Variants in CNTNAP2 observed in about 807,000 individuals in gnomAD.
CNTNAP2 encodes contactin associated protein 2, also known as contactin-associated protein-like 2.
CNTNAP2 carries 98 observed loss-of-function variants against 155.2 expected under a neutral mutation model. That is an observed-to-expected ratio of 0.63 (90% CI 0.54 to 0.75). CNTNAP2 has a LOEUF of 0.75. Ranked by LOEUF, CNTNAP2 falls within the 30% of genes least tolerant of loss-of-function variation. The pLI, the probability that CNTNAP2 is intolerant of heterozygous loss-of-function variation, is 0.00. For synonymous variants in CNTNAP2, 651 were observed against 631.2 expected, an observed-to-expected ratio of 1.03 and a Z score of -0.47; for missense variants, 1,727 against 1,688.1, an observed-to-expected ratio of 1.02 and a Z score of -0.40.
chr7:147,287,488 C>T (rs946939624), intron 8 of CNTNAP2, among the ~76,000 whole-genome samples: 15 of 152,068 alleles, frequency 9.9e-5, no homozygotes, highest in Admixed American at 9.8e-4. Flanking sequence ...AGCAAAGAAT[C>T]TCTGCTACCT....
chr7:146,750,854 A>G (rs999963811), intron 1 of CNTNAP2, among the ~76,000 whole-genome samples: 2 of 152,148 alleles, frequency 1.3e-5, no homozygotes, highest in African/African-American at 4.8e-5. Flanking sequence ...TTTTTCCATG[A>G]AAAGTTAAGT....
intron 3 of CNTNAP2, among the ~76,000 whole-genome samples, chr7:146,859,669 A>AT (rs1562976397): frequency 4.1e-4 from 61 of 150,236 alleles, no homozygotes; most frequent in Admixed American, 6.7e-4. Context: ...CAAAAAAAAA[A>AT]AATATATATA....
intron 1 of CNTNAP2, among the ~76,000 whole-genome samples, chr7:146,633,673 C>CA (rs1229885875): frequency 3.3e-5 from 5 of 151,182 alleles, no homozygotes; most frequent in Admixed American, 3.3e-4. Context: ...ACTAAAAATA[C>CA]AAAAAACTAG....
intron 13 of CNTNAP2, among the ~76,000 whole-genome samples, chr7:147,902,743 C>A (rs1405339845): frequency 6.9e-6 from 1 of 145,922 alleles, no homozygotes. Context: ...TAATTCATTT[C>A]TTTTTATGGC....
intron 1 of CNTNAP2, among the ~76,000 whole-genome samples, chr7:146,664,785 C>A (rs2642511): frequency 0.81 from 122,488 of 151,558 alleles, 50,090 homozygotes; most frequent in South Asian, 0.91. Context: ...TACTTTTTTG[C>A]AAGAAGTTAA....
chr7:147,865,873 C>T (rs1233923279), intron 13 of CNTNAP2, among the ~76,000 whole-genome samples: 14 of 152,242 alleles, frequency 9.2e-5, no homozygotes, highest in African/African-American at 3.4e-4. Flanking sequence ...AAAAAACCAG[C>T]TCCTGGTTTC....
At chr7:147,544,962 A>AT (rs559727832) in intron 11 of CNTNAP2, among the ~76,000 whole-genome samples, 49 of 152,162 alleles carry the variant, frequency 3.2e-4, no homozygotes, top group South Asian at 8.3e-4. Context: ...TCCTTTATAA[A>AT]TTACTCAGTC....
chr7:147,904,506 G>A (rs1010818998), intron 14 of CNTNAP2, among the ~76,000 whole-genome samples: 4 of 152,274 alleles, frequency 2.6e-5, no homozygotes, highest in African/African-American at 9.6e-5. Context: ...GTGTTGAGAG[G>A]CTCCATTTCT....
intron 3 of CNTNAP2, among the ~76,000 whole-genome samples, chr7:146,996,715 A>G (rs561880929): frequency 6.6e-6 from 1 of 152,062 alleles, no homozygotes; most frequent in Admixed American, 6.6e-5. Context: ...CCTTTTGCCT[A>G]ATTGTTCTGG....
chr7:147,530,912 T>C (rs1799420572), intron 11 of CNTNAP2, among the ~76,000 whole-genome samples: 1 of 152,114 alleles, frequency 6.6e-6, no homozygotes, highest in South Asian at 2.1e-4. Flanking sequence ...CTAGATACAA[T>C]AGGATTACAG....
chr7:147,350,122 A>G (rs1323888270), intron 9 of CNTNAP2, among the ~76,000 whole-genome samples: 1 of 151,858 alleles, frequency 6.6e-6, no homozygotes, highest in Non-Finnish European at 1.5e-5. Context: ...AGAAAAGAAT[A>G]TGTGAGAGGT....
At chr7:146,945,877 C>A (rs1213149975) in intron 3 of CNTNAP2, among the ~76,000 whole-genome samples, 1 of 152,090 alleles carries the variant, frequency 6.6e-6, no homozygotes, top group Non-Finnish European at 1.5e-5. Flanking sequence ...TTTTCTTTGT[C>A]TCTTTATATT....
At chr7:147,249,477 C>T (rs891914626) in intron 8 of CNTNAP2, among the ~76,000 whole-genome samples, 14 of 151,824 alleles carry the variant, frequency 9.2e-5, no homozygotes, top group Admixed American at 5.9e-4. Flanking sequence ...TCCCTCTTCT[C>T]AATATAATCC....
chr7:146,976,971 A>C (rs1797923985), intron 3 of CNTNAP2, among the ~76,000 whole-genome samples: 1 of 152,108 alleles, frequency 6.6e-6, no homozygotes, highest in Admixed American at 6.6e-5. Context: ...AGAAAGGCGG[A>C]GGAAGATTCC....
chr7:146,618,880 G>A (rs1359719702), intron 1 of CNTNAP2, among the ~76,000 whole-genome samples: 1 of 151,982 alleles, frequency 6.6e-6, no homozygotes, highest in East Asian at 1.9e-4. Flanking sequence ...GACCAGCCTG[G>A]CCAACATGGT....
chr7:148,217,195 T>C, intron 18 of CNTNAP2, 93 bp from the exon 19 acceptor site: 1 of 1,217,752 alleles, frequency 8.2e-7, no homozygotes, highest in Admixed American at 1.7e-5. Context: ...CTGGAGCCAG[T>C]GCCTGCACTC....
At chr7:147,602,244 C>T (rs1230147561) in intron 12 of CNTNAP2, among the ~76,000 whole-genome samples, 2 of 151,820 alleles carry the variant, frequency 1.3e-5, no homozygotes, top group South Asian at 2.1e-4. Flanking sequence ...AATTATAGGA[C>T]AAGTGTTTAT....
At chr7:146,868,211 G>A (rs941468684) in intron 3 of CNTNAP2, among the ~76,000 whole-genome samples, 6 of 152,098 alleles carry the variant, frequency 3.9e-5, no homozygotes, top group African/African-American at 1.2e-4. Flanking sequence ...GTGTAAGGAA[G>A]GGGTCCAGCT....
chr7:146,619,013 G>A (rs1388288666), intron 1 of CNTNAP2, among the ~76,000 whole-genome samples: 1 of 151,476 alleles, frequency 6.6e-6, no homozygotes, highest in East Asian at 1.9e-4. Flanking sequence ...GGCAGAGGTT[G>A]CAGTGAGCCA....
Sources: allele counts gnomAD v4.1 joint callset (sites outside exome capture counted in the v4.1 genomes callset), GRCh38; gene constraint gnomAD v4.1.1; transcripts MANE v1.5; gene names NCBI Gene and HGNC (gene_info 2026-07-23, HGNC 2026-07-21).